Variants in PCDHA5 observed in about 807,000 individuals in gnomAD.
The protein encoded by PCDHA5 is protocadherin alpha 5.
PCDHA5 carries 43 observed loss-of-function variants against 61.6 expected under a neutral mutation model. The ratio of observed to expected loss-of-function variants is 0.70; its 90% CI spans 0.55 to 0.90. PCDHA5 has a LOEUF of 0.90. Ranked by LOEUF, PCDHA5 falls within the 40% of genes least tolerant of loss-of-function variation. The probability of loss-of-function intolerance (pLI) is 0.00; values close to 1 mark genes in which losing one functional copy is unlikely to be tolerated. For missense variants in PCDHA5, 1,298 were observed against 1,222.7 expected, an observed-to-expected ratio of 1.06 and a Z score of -0.92; for synonymous variants, 627 against 543.9, an observed-to-expected ratio of 1.15 and a Z score of -2.13.
chr5:140,850,016 C>A, intron 1 of PCDHA5: 1 of 1,596,912 alleles, frequency 6.3e-7, no homozygotes. Context: ...TGTCGAGCTA[C>A]GTGTCAGTGC....
intron 1 of PCDHA5, among the ~76,000 whole-genome samples, chr5:140,905,708 C>T (rs1372981287): frequency 1.1e-4 from 16 of 152,092 alleles, no homozygotes; most frequent in Non-Finnish European, 1.6e-4. Context: ...TTATGATTTC[C>T]TTCAGCAGTG....
rs1767138944 is a variant in PCDHA5, at chr5:140,821,978, A to G, written c.203A>G (p.Lys68Arg). 1 of 1,614,038 alleles carries G rather than the reference A, an allele frequency of 6.2e-7. No individual in the cohort carries two copies. The change falls in exon 1 of 4, where the codon AAG becomes AGG. Residue 68 changes from lysine to arginine, a missense_variant. Transcript: ENST00000529859. Reference protein sequence around the residue: ...LVPRLFRVASKGRGDLLEVNL... With the variant: ...LVPRLFRVASRGRGDLLEVNL... ...CCGCGCCTGTTCCGGGTGGCGTCCA[A>G]GGGCCGCGGGGACCTTCTGGAGGTA...
intron 1 of PCDHA5, among the ~76,000 whole-genome samples, chr5:140,925,132 T>G (rs2082347636): frequency 6.6e-6 from 1 of 151,168 alleles, no homozygotes; most frequent in Non-Finnish European, 1.5e-5. Context: ...GAAAAAAAAT[T>G]TCAAACATAC....
chr5:140,823,003 A>G lies in PCDHA5; in HGVS notation c.1228A>G (p.Ser410Gly). ...GAATTACTACTCGTTGGTGCTGGAC[A>G]GCGCCCTGGACCGCGAGAGCGTGTC... ...FKNYYSLVLD[S>G]ALDRESVSVY... The change falls in exon 1 of 4, where the codon AGC becomes GGC. Residue 410 changes from serine (S) to glycine (G), a missense_variant. Coordinates refer to ENST00000529859, the MANE Select transcript of PCDHA5 (RefSeq NM_018908.3). 6.2e-7 allele frequency: 1 copy of G among 1,614,236 alleles called. No individual in the cohort carries two copies. Among genetic ancestry groups the G allele is most frequent in the Non-Finnish European group, 8.5e-7 (1 of 1,180,052 alleles).
At chr5:140,892,563 T>G (rs1554185281) in intron 1 of PCDHA5, among the ~76,000 whole-genome samples, 2 of 152,248 alleles carry the variant, frequency 1.3e-5, no homozygotes, top group Admixed American at 6.5e-5. Context: ...CCTTGGAGAC[T>G]GTCAAAAGTA....
At position 140,822,098 on chromosome 5, in the gene PCDHA5, T is replaced by A. The variant is rs2150113663; in HGVS notation, c.323T>A (p.Ile108Asn). 6.2e-7 allele frequency: 1 copy of A among 1,614,214 alleles called. No individual in the cohort carries two copies. The highest frequency in any genetic ancestry group is 2.2e-5 in the East Asian group (1 of 44,888). ...RAECSIHLEV[I>N]VDRPLQVFHV... ...GAGTGCAGCATCCACCTGGAGGTGATCGTGGACAGGCCGCTGCAGGTTTTC... is the reference window on the plus strand; with the variant it reads ...GAGTGCAGCATCCACCTGGAGGTGAACGTGGACAGGCCGCTGCAGGTTTTC... Residue 108 changes from isoleucine to asparagine, a missense_variant, in exon 1 of 4, where the codon ATC becomes AAC. Ile to Asn is a moderately radical substitution (Grantham distance 149, BLOSUM62 -3). Transcript: ENST00000529859.
At chr5:140,905,298 T>A (rs1171619023) in intron 1 of PCDHA5, among the ~76,000 whole-genome samples, 2 of 152,218 alleles carry the variant, frequency 1.3e-5, no homozygotes, top group African/African-American at 2.4e-5. Context: ...TAAGGTGTCC[T>A]TTCCACACTT....
rs186756859 is a variant in PCDHA5, at chr5:140,846,728, A to G, written c.2352+22601A>G. 4.0e-5 allele frequency among the ~76,000 whole-genome samples: 6 copies of G among 149,464 alleles called. 1 individual carries two copies. The highest frequency in any genetic ancestry group is 2.0e-4 in the Admixed American group (3 of 14,884). On this transcript the variant is annotated intron_variant, in intron 1 of 3. Transcript: ENST00000529859. ...TTGTAATAACCAGTCTTCATTAAACATTAAATAGGACCCTTACAGATCTCT... is the reference window on the plus strand; with the variant it reads ...TTGTAATAACCAGTCTTCATTAAACGTTAAATAGGACCCTTACAGATCTCT...
In PCDHA5 at chr5:141,010,329, G is replaced by C; in HGVS notation, c.*392G>C. On this transcript the variant is annotated 3_prime_UTR_variant, in exon 4 of 4. Coordinates refer to ENST00000529859, the MANE Select transcript of PCDHA5 (RefSeq NM_018908.3). ...AGTTTTGAGATTGAGCAGCTTGGGAGTTTGTGGCCACTGGGTATGTGTGGC... is the reference window on the plus strand; with the variant it reads ...AGTTTTGAGATTGAGCAGCTTGGGACTTTGTGGCCACTGGGTATGTGTGGC... 6.5e-7 allele frequency: 1 copy of C among 1,538,672 alleles called. No individual in the cohort carries two copies. Among genetic ancestry groups the C allele is most frequent in the Non-Finnish European group, 8.8e-7 (1 of 1,142,532 alleles).
At chr5:140,933,613 A>G (rs1441475985) in intron 1 of PCDHA5, among the ~76,000 whole-genome samples, 1 of 151,962 alleles carries the variant, frequency 6.6e-6, no homozygotes, top group Non-Finnish European at 1.5e-5. Flanking sequence ...TTCTTTTCTT[A>G]TTAGGTTAGG....
chr5:140,969,123 C>G, intron 1 of PCDHA5: 1 of 1,614,172 alleles, frequency 6.2e-7, no homozygotes, highest in Non-Finnish European at 8.5e-7. Flanking sequence ...GGGAATGGCT[C>G]CCTCACCAAG....
chr5:140,988,524 T>C (rs1338675660), intron 3 of PCDHA5, among the ~76,000 whole-genome samples: 2 of 152,212 alleles, frequency 1.3e-5, no homozygotes, highest in East Asian at 3.8e-4. Context: ...AAGTCTCTGC[T>C]GGCTCCATCC....
intron 3 of PCDHA5, among the ~76,000 whole-genome samples, chr5:141,003,222 G>A (rs1221950770): frequency 2.6e-5 from 4 of 152,224 alleles, no homozygotes; most frequent in Non-Finnish European, 4.4e-5. Flanking sequence ...CATGAAAGAG[G>A]AAAGCTGGAA....
chr5:140,969,276 G>T, intron 1 of PCDHA5: 1 of 1,614,202 alleles, frequency 6.2e-7, no homozygotes, highest in Non-Finnish European at 8.5e-7. Context: ...GGCCAAAGTG[G>T]TCAGAATGCT....
chr5:140,987,474 G>A (rs114440148), intron 3 of PCDHA5, among the ~76,000 whole-genome samples: 307 of 152,240 alleles, frequency 2.0e-3, no homozygotes, highest in African/African-American at 7.1e-3. Context: ...CTCAAGCTTG[G>A]GAGTCAGTGA....
At chr5:140,871,310 C>A (rs2052956862) in intron 1 of PCDHA5, 1 of 1,613,930 alleles carries the variant, frequency 6.2e-7, no homozygotes, top group South Asian at 1.1e-5. Flanking sequence ...CCGGGGAAGC[C>A]CACGCTGGTG....
Position 140,998,902 on chromosome 5 carries a change from C to T in PCDHA5, c.2501-10725C>T, listed in dbSNP as rs148715237. On this transcript the variant is annotated intron_variant, in intron 3 of 3. Coordinates refer to ENST00000529859, the MANE Select transcript of PCDHA5 (RefSeq NM_018908.3). ...TTAGTTGAATAAATAACAATGCCTC[C>T]GGGAGGTAGCTATTATATCCATTTT... Among the ~76,000 whole-genome samples the T allele has an allele frequency of 4.2e-3, 632 of 152,216 alleles. 5 individuals are homozygous for T. Among genetic ancestry groups the T allele is most frequent in the African/African-American group, 0.014 (572 of 41,540 alleles).
At chr5:140,848,580 G>C (rs2150413370) in intron 1 of PCDHA5, 5 of 1,595,144 alleles carry the variant, frequency 3.1e-6, no homozygotes, top group African/African-American at 1.3e-5. Context: ...GGTGGGGAGC[G>C]GCCAGCTCCA....
chr5:140,987,363 T>C (rs1269772618), intron 3 of PCDHA5, among the ~76,000 whole-genome samples: 1 of 152,218 alleles, frequency 6.6e-6, no homozygotes, highest in Non-Finnish European at 1.5e-5. Flanking sequence ...GGTTGTCTTA[T>C]ATCATTACAG....
Sources: gnomAD v4.1 joint callset for allele counts (sites outside exome capture counted in the v4.1 genomes callset) on GRCh38, gnomAD v4.1.1 for gene constraint, MANE v1.5 for transcripts, NCBI Gene and HGNC (gene_info 2026-07-23, HGNC 2026-07-21) for gene names.